JPH1: variants seen among roughly 807,000 people sequenced by gnomAD.
JPH1 encodes the protein junctophilin 1.
In JPH1, 12 loss-of-function variants were observed where a neutral mutation model predicts 53.6. The ratio of observed to expected loss-of-function variants is 0.22; its 90% CI spans 0.14 to 0.36. The LOEUF (loss-of-function observed/expected upper bound fraction) is 0.36. JPH1 is among the 10% of genes least tolerant of loss of function. The pLI is 1.00. For synonymous variants in JPH1, 375 were observed against 363.8 expected (o/e 1.03, Z -0.35); for missense variants, 808 against 905.5 (o/e 0.89, Z 1.38).
chr8:74,282,881 T>C (rs1807052088), intron 2 of JPH1, among the ~76,000 whole-genome samples: 1 of 152,222 alleles, frequency 6.6e-6, no homozygotes, highest in Non-Finnish European at 1.5e-5. Flanking sequence ...GATTTGATCA[T>C]TACACATTGT....
intron 3 of JPH1, among the ~76,000 whole-genome samples, chr8:74,255,862 G>A (rs1247803300): frequency 6.6e-6 from 1 of 152,196 alleles, no homozygotes; most frequent in Non-Finnish European, 1.5e-5. Flanking sequence ...ACACCAGTTA[G>A]AATGGCGATC....
At chr8:74,263,231 G>A (rs1319731703) in intron 2 of JPH1, among the ~76,000 whole-genome samples, 1 of 152,142 alleles carries the variant, frequency 6.6e-6, no homozygotes, top group African/African-American at 2.4e-5. Context: ...GTCTGCTAAA[G>A]GTGAAGCGCT....
In JPH1 at chr8:74,280,302, T is replaced by C. The variant is rs147242452; in HGVS notation, c.1140-20799A>G. On this transcript the variant is annotated intron_variant, in intron 2 of 5. Transcript: ENST00000342232. ...GGGTGCAAAGTACAAATATCCCTAATGGACTGGGCAAAAGGTATCACCTCC... is the reference window on the plus strand; with the variant it reads ...GGGTGCAAAGTACAAATATCCCTAACGGACTGGGCAAAAGGTATCACCTCC... Among the ~76,000 whole-genome samples, 289 of 152,326 alleles carry C rather than the reference T, an allele frequency of 1.9e-3. 3 individuals carry two copies. The highest frequency in any genetic ancestry group is 6.1e-3 in the African/African-American group (253 of 41,594).
rs557696778 is a variant in JPH1 at position 74,258,545 on chromosome 8, G to A, written c.1258+840C>T. On this transcript the variant is annotated intron_variant, in intron 3 of 5. Transcript: ENST00000342232. The stretch of plus-strand genomic sequence containing the variant: ...TTGTCACTTTTATTTCTTCCATTGT[G>A]ACATGCATTTTCCTCTTACTCTGTG... Among the ~76,000 whole-genome samples, 33 of 152,212 alleles carry A rather than the reference G, an allele frequency of 2.2e-4. 1 individual carries two copies. Among genetic ancestry groups the A allele is most frequent in the Admixed American group, 1.2e-3 (19 of 15,284 alleles).
intron 2 of JPH1, among the ~76,000 whole-genome samples, chr8:74,300,966 G>A (rs778474762): frequency 1.5e-4 from 23 of 151,994 alleles, no homozygotes; most frequent in African/African-American, 5.1e-4. Context: ...GCCGTATACC[G>A]GGAATGAATC....
chr8:74,266,511 T>C (rs1018842064), intron 2 of JPH1, among the ~76,000 whole-genome samples: 107 of 152,124 alleles, frequency 7.0e-4, no homozygotes, highest in African/African-American at 2.5e-3. Context: ...AGACAGAAAG[T>C]AGAACAGTAA....
chr8:74,268,558 T>C (rs1806605630), intron 2 of JPH1, among the ~76,000 whole-genome samples: 1 of 152,100 alleles, frequency 6.6e-6, no homozygotes, highest in African/African-American at 2.4e-5. Context: ...TAAAAATGGA[T>C]GCATATTCTA....
Position 74,320,767 on chromosome 8 carries a change from G to C in JPH1, c.379+142C>G. On this transcript the variant is annotated intron_variant, in intron 1 of 5. Coordinates refer to ENST00000342232, the MANE Select transcript of JPH1 (RefSeq NM_020647.4). This position sits in a 1 kb window ranked among gnomAD's most constrained non-coding sequence, Gnocchi z 4.4. ...CCCTCTCTGGGAAAGGCGGGCGCGG[G>C]CGCGGGGGTGGGAGGCGCCCCCAGG... 1 of 1,023,648 alleles carries C rather than the reference G, an allele frequency of 9.8e-7. No individual in the cohort carries two copies. Among genetic ancestry groups the C allele is most frequent in the Non-Finnish European group, 1.3e-6 (1 of 754,886 alleles). The allele number at this position is 1,023,648 out of a possible 1,614,324, so 63.4% of individuals were successfully genotyped here. A position where few individuals can be genotyped will look rare whatever the true frequency, so the allele number is the denominator to read the frequency against.
Position 74,293,433 on chromosome 8 carries a change from C to G in JPH1, c.1139+21428G>C, listed in dbSNP as rs190538265. 1.8e-4 allele frequency among the ~76,000 whole-genome samples: 28 copies of G among 152,232 alleles called. No homozygotes were observed. In the East Asian group the frequency reaches 5.0e-3, roughly 27 times the overall value. ...CTCATTCTAACCCTGTGAGGAGGTG[C>G]CACTAACTATCATGCCCATTTTACA... On this transcript the variant is annotated intron_variant, in intron 2 of 5. Transcript: ENST00000342232.
At chr8:74,316,253 C>T (rs74905929) in intron 1 of JPH1, among the ~76,000 whole-genome samples, 3 of 151,936 alleles carry the variant, frequency 2.0e-5, no homozygotes, top group Non-Finnish European at 1.5e-5. Flanking sequence ...AAGAGAGAAT[C>T]GACAACCACA....
Position 74,290,298 on chromosome 8 carries a change from A to C in JPH1, c.1139+24563T>G, listed in dbSNP as rs189845483. On this transcript the variant is annotated intron_variant, in intron 2 of 5. Transcript: ENST00000342232. Reference sequence around the variant, plus strand: ...GCAACTTCAGCAAAGTCTCAGGATAAAAAATCAATGGCAAAAATCACAAGC... The same window carrying C: ...GCAACTTCAGCAAAGTCTCAGGATACAAAATCAATGGCAAAAATCACAAGC... Among the ~76,000 whole-genome samples, 213 of 152,268 alleles carry C rather than the reference A, an allele frequency of 1.4e-3. 1 individual carries two copies. Among genetic ancestry groups the C allele is most frequent in the Non-Finnish European group, 2.7e-3 (187 of 68,028 alleles).
At chr8:74,309,505 G>A (rs1040067266) in intron 2 of JPH1, among the ~76,000 whole-genome samples, 1 of 152,036 alleles carries the variant, frequency 6.6e-6, no homozygotes, top group Non-Finnish European at 1.5e-5. Flanking sequence ...CTTCCTAAGT[G>A]ATCTGTTCAT....
At chr8:74,295,490 C>G (rs1807478227) in intron 2 of JPH1, among the ~76,000 whole-genome samples, 1 of 152,128 alleles carries the variant, frequency 6.6e-6, no homozygotes, top group Non-Finnish European at 1.5e-5. Context: ...TATTTAGCAC[C>G]TACTAAGTGC....
intron 3 of JPH1, among the ~76,000 whole-genome samples, chr8:74,247,160 T>C (rs1000216189): frequency 6.6e-6 from 1 of 152,228 alleles, no homozygotes; most frequent in Non-Finnish European, 1.5e-5. Flanking sequence ...CCTGCAGGCA[T>C]ATTTTAACAA....
chr8:74,278,950 C>G (rs556370290), intron 2 of JPH1, among the ~76,000 whole-genome samples: 1 of 151,214 alleles, frequency 6.6e-6, no homozygotes, highest in Admixed American at 6.6e-5. Flanking sequence ...TGAAGCAAGA[C>G]AGACACACAC....
intron 1 of JPH1, among the ~76,000 whole-genome samples, chr8:74,318,161 G>A (rs375319501): frequency 6.6e-6 from 1 of 152,130 alleles, no homozygotes; most frequent in East Asian, 1.9e-4. Context: ...ACTTCTCCCT[G>A]CTGCTCAAAT....
intron 3 of JPH1, among the ~76,000 whole-genome samples, chr8:74,245,425 A>ATTTT: frequency 6.6e-6 from 1 of 152,316 alleles, no homozygotes; most frequent in South Asian, 2.1e-4. Context: ...TACAGAGGCA[A>ATTTT]AATTCATGTT....
chr8:74,301,949 A>G lies in JPH1; in HGVS notation c.1139+12912T>C, dbSNP rs138454935. Among the ~76,000 whole-genome samples the G allele has an allele frequency of 1.1e-4, 17 of 152,256 alleles. No homozygotes were observed. The East Asian group carries it at 3.3e-3, about 29-fold the overall frequency. On this transcript the variant is annotated intron_variant, in intron 2 of 5. Coordinates refer to ENST00000342232, the MANE Select transcript of JPH1 (RefSeq NM_020647.4). ...GTACATGGGTTCAAAAAAAATTCCT[A>G]TCCCAATTCTCAAAACCCAGTGGAG...
chr8:74,277,413 T>G (rs1331174202), intron 2 of JPH1, among the ~76,000 whole-genome samples: 1 of 152,260 alleles, frequency 6.6e-6, no homozygotes, highest in Non-Finnish European at 1.5e-5. Flanking sequence ...TAATGGAATT[T>G]TAGTCTCCCT....
Sources: allele counts gnomAD v4.1 joint callset (sites outside exome capture counted in the v4.1 genomes callset), GRCh38; gene constraint gnomAD v4.1.1; non-coding constraint Gnocchi (gnomAD v3.1); transcripts MANE v1.5; gene names NCBI Gene and HGNC (gene_info 2026-07-23, HGNC 2026-07-21).